RPS6KC1: variants seen among roughly 807,000 people sequenced by gnomAD.
RPS6KC1 encodes the protein ribosomal protein S6 kinase C1.
Under a neutral mutation model 103.8 loss-of-function variants are expected in RPS6KC1, and 54 were observed. The observed-to-expected ratio is 0.52, with a 90% CI of 0.42 to 0.65. The LOEUF is 0.65. Ranked by LOEUF, RPS6KC1 falls within the 30% of genes least tolerant of loss-of-function variation. RPS6KC1 has a pLI of 0.00. For missense variants in RPS6KC1, 1,151 were observed against 1,253.8 expected (o/e 0.92, Z 1.24); for synonymous variants, 439 against 438.7 (o/e 1.00, Z -0.01).
At chr1:213,244,660 A>G (rs183542510) in intron 12 of RPS6KC1, among the ~76,000 whole-genome samples, 221 of 152,304 alleles carry the variant, frequency 1.5e-3, no homozygotes, top group African/African-American at 5.0e-3. Flanking sequence ...ACATTCATCA[A>G]CAGATACACA....
chr1:213,400,711 C>T, the RPS6KC1 span, among the ~76,000 whole-genome samples: 5 of 145,610 alleles, frequency 3.4e-5, no homozygotes, highest in Non-Finnish European at 6.1e-5. Context: ...TTCTTTCTCT[C>T]TTTTTTTTTT....
the RPS6KC1 span, among the ~76,000 whole-genome samples, chr1:213,843,299 TG>T: frequency 6.6e-6 from 1 of 152,198 alleles, no homozygotes; most frequent in Non-Finnish European, 1.5e-5. Flanking sequence ...AAGAAACTAC[TG>T]GGCACCACAG....
the RPS6KC1 span, among the ~76,000 whole-genome samples, chr1:213,581,030 G>A: frequency 2.6e-5 from 4 of 152,048 alleles, no homozygotes; most frequent in East Asian, 1.9e-4. Context: ...GGACCTGAGC[G>A]TATTTTGTAA....
the RPS6KC1 span, among the ~76,000 whole-genome samples, chr1:213,745,922 C>A: frequency 6.6e-6 from 1 of 152,138 alleles, no homozygotes; most frequent in African/African-American, 2.4e-5. Flanking sequence ...ACCCTGTGCT[C>A]ACTAGGTTCC....
intron 12 of RPS6KC1, among the ~76,000 whole-genome samples, chr1:213,248,715 C>G (rs2094496019): frequency 6.6e-6 from 1 of 152,160 alleles, no homozygotes; most frequent in African/African-American, 2.4e-5. Flanking sequence ...CATCACATCT[C>G]AGTTAAGGTT....
At chr1:213,417,502 A>G in the RPS6KC1 span, among the ~76,000 whole-genome samples, 1 of 152,072 alleles carries the variant, frequency 6.6e-6, no homozygotes, top group South Asian at 2.1e-4. Context: ...GCTGGAAGGA[A>G]AGAGATGGGG....
the RPS6KC1 span, among the ~76,000 whole-genome samples, chr1:213,638,305 A>T: frequency 6.6e-6 from 1 of 151,936 alleles, no homozygotes; most frequent in East Asian, 1.9e-4. Context: ...ATTTGCAAAT[A>T]TTTTCTCCCA....
At chr1:213,756,001 T>G in the RPS6KC1 span, among the ~76,000 whole-genome samples, 6 of 152,150 alleles carry the variant, frequency 3.9e-5, no homozygotes, top group Admixed American at 1.3e-4. Flanking sequence ...CCACTCCTAC[T>G]TGGGCCAATC....
At chr1:213,343,737 G>T in the RPS6KC1 span, among the ~76,000 whole-genome samples, 28 of 151,542 alleles carry the variant, frequency 1.8e-4, no homozygotes, top group East Asian at 5.4e-3. Context: ...CCCAGAAATC[G>T]CCACTAAAGA....
the RPS6KC1 span, among the ~76,000 whole-genome samples, chr1:213,548,143 A>G: frequency 2.0e-5 from 3 of 152,238 alleles, no homozygotes; most frequent in Non-Finnish European, 2.9e-5. Context: ...TTTACATGAT[A>G]CCAAGTTACA....
the RPS6KC1 span, among the ~76,000 whole-genome samples, chr1:213,745,666 G>A: frequency 6.6e-6 from 1 of 152,112 alleles, no homozygotes; most frequent in South Asian, 2.1e-4. Context: ...ATGGATGGAA[G>A]AGGAAGGACA....
intron 1 of RPS6KC1, among the ~76,000 whole-genome samples, chr1:213,058,018 T>C (rs2077491479): frequency 6.6e-6 from 1 of 151,300 alleles, no homozygotes; most frequent in African/African-American, 2.4e-5. Flanking sequence ...TCTGCCTGTC[T>C]TGGCCTTCCA....
At chr1:213,531,076 G>A in the RPS6KC1 span, among the ~76,000 whole-genome samples, 6 of 152,268 alleles carry the variant, frequency 3.9e-5, no homozygotes, top group East Asian at 1.2e-3. Flanking sequence ...GCTGAGCTGA[G>A]GTGGGGATGG....
At chr1:213,425,626 A>G in the RPS6KC1 span, among the ~76,000 whole-genome samples, 1 of 152,154 alleles carries the variant, frequency 6.6e-6, no homozygotes, top group East Asian at 1.9e-4. Context: ...CAAGGCGCAC[A>G]CCCAGCTAAT....
At chr1:213,291,104 C>A in the RPS6KC1 span, among the ~76,000 whole-genome samples, 15 of 152,312 alleles carry the variant, frequency 9.8e-5, no homozygotes, top group African/African-American at 3.6e-4. Context: ...GCTTAAATAG[C>A]AACTCTGAAG....
the RPS6KC1 span, among the ~76,000 whole-genome samples, chr1:213,614,216 C>T: frequency 6.6e-6 from 1 of 152,322 alleles, no homozygotes; most frequent in Non-Finnish European, 1.5e-5. Flanking sequence ...CTAGAGGTAA[C>T]ATCTAGTCCT....
the RPS6KC1 span, among the ~76,000 whole-genome samples, chr1:213,710,845 C>T: frequency 3.3e-5 from 5 of 152,210 alleles, no homozygotes; most frequent in Non-Finnish European, 2.9e-5. Context: ...AAATTGGCCC[C>T]CACTCTCTTC....
chr1:213,068,873 A>ATG (rs60259563), intron 1 of RPS6KC1, among the ~76,000 whole-genome samples: 7,466 of 127,232 alleles, frequency 0.059, 205 homozygotes, highest in African/African-American at 0.08. Context: ...AAGTGTATAT[A>ATG]TGTGTGTGTG....
At chr1:213,749,197 CA>C in the RPS6KC1 span, among the ~76,000 whole-genome samples, 1 of 152,116 alleles carries the variant, frequency 6.6e-6, no homozygotes, top group Non-Finnish European at 1.5e-5. Context: ...TGTAAATCCT[CA>C]AGAGGATGGT....
Sources: allele counts gnomAD v4.1 joint callset (sites outside exome capture counted in the v4.1 genomes callset), GRCh38; gene constraint gnomAD v4.1.1; transcripts MANE v1.5; gene names NCBI Gene and HGNC (gene_info 2026-07-23, HGNC 2026-07-21).